Variants in DUSP22 observed in about 807,000 individuals in gnomAD.
DUSP22 encodes the protein dual specificity phosphatase 22.
In DUSP22, 24 loss-of-function variants were observed where a neutral mutation model predicts 24.5. The ratio of observed to expected loss-of-function variants is 0.98; its 90% CI spans 0.71 to 1.38. The LOEUF (loss-of-function observed/expected upper bound fraction) is 1.38. DUSP22 is among the 40% of genes most tolerant of loss of function. DUSP22 has a pLI of 0.00. For missense variants in DUSP22, 330 were observed against 269.2 expected (o/e 1.23, Z -1.58); for synonymous variants, 160 against 106.4 (o/e 1.50, Z -3.10).
chr6:307,586 G>A (rs1223491807), intron 2 of DUSP22, among the ~76,000 whole-genome samples: 1 of 152,302 alleles, frequency 6.6e-6, no homozygotes, highest in African/African-American at 2.4e-5. Context: ...AAGCCAGGAG[G>A]GAAGGCAGGG....
intron 3 of DUSP22, among the ~76,000 whole-genome samples, chr6:321,960 A>G (rs372864857): frequency 5.3e-4 from 81 of 152,394 alleles, no homozygotes; most frequent in African/African-American, 1.9e-3. Flanking sequence ...TGGAATGTTC[A>G]TGTGATATTC....
At chr6:310,020 G>A (rs1758001720) in intron 2 of DUSP22, among the ~76,000 whole-genome samples, 1 of 152,298 alleles carries the variant, frequency 6.6e-6, no homozygotes, top group South Asian at 2.1e-4. Context: ...GAGTTCAGTG[G>A]GGCGATCTCG....
At chr6:322,835 CG>C (rs61295342) in intron 3 of DUSP22, among the ~76,000 whole-genome samples, 32 of 72,356 alleles carry the variant, frequency 4.4e-4, no homozygotes, top group Admixed American at 9.4e-4. Context: ...CTTGGTGGGG[CG>C]GGGGGGGGCC....
chr6:336,465 G>T (rs879457043), intron 4 of DUSP22, among the ~76,000 whole-genome samples: 1 of 152,304 alleles, frequency 6.6e-6, no homozygotes, highest in Non-Finnish European at 1.5e-5. Context: ...GTTATTGAAC[G>T]CTGGCCATCA....
At position 311,929 on chromosome 6, in the gene DUSP22, G is replaced by A. The variant is rs201632445; in HGVS notation, c.105G>A (p.Leu35=). The A allele has an allele frequency of 1.2e-6, 2 of 1,612,824 alleles. No individual in the cohort carries two copies. Among genetic ancestry groups the A allele is most frequent in the African/African-American group, 1.3e-5 (1 of 75,008 alleles). The part of the protein sequence containing the change: ...QLSKNKVTHI[L]SVHDSARPML... ...GCAAGAACAAGGTGACACATATTCT[G>A]TCTGTCCACGATAGTGCCAGGCCTA... Residue 35 remains leucine, a synonymous_variant, in exon 3 of 7, where the codon CTG becomes CTA. Transcript: ENST00000419235.
chr6:300,224 T>C (rs1353081885), intron 1 of DUSP22, among the ~76,000 whole-genome samples: 1 of 152,302 alleles, frequency 6.6e-6, no homozygotes, highest in Non-Finnish European at 1.5e-5. Flanking sequence ...TGCATAGCCA[T>C]GTTGGTTGGT....
At chr6:334,719 C>G (rs554765022) in intron 3 of DUSP22, among the ~76,000 whole-genome samples, 1 of 152,310 alleles carries the variant, frequency 6.6e-6, no homozygotes, top group African/African-American at 2.4e-5. Flanking sequence ...TTTTTACTTA[C>G]GAACAGTGCT....
intron 6 of DUSP22, 193 bp downstream of exon 6, chr6:348,467 G>T (rs112277214): frequency 1.0e-6 from 1 of 1,002,098 alleles, no homozygotes. Flanking sequence ...AGCCACAGGC[G>T]CCTACCCTTT....
intron 5 of DUSP22, among the ~76,000 whole-genome samples, chr6:346,819 G>A (rs1759902712): frequency 1.3e-5 from 2 of 152,296 alleles, no homozygotes; most frequent in Non-Finnish European, 2.9e-5. Flanking sequence ...TGCTGAGGTT[G>A]GTGGCAGCCC....
intron 1 of DUSP22, among the ~76,000 whole-genome samples, chr6:304,243 G>A (rs368757625): frequency 6.6e-6 from 1 of 152,310 alleles, no homozygotes; most frequent in South Asian, 2.1e-4. Context: ...GTGGGCGGGA[G>A]TGTAACCGCC....
At chr6:314,532 T>C (rs1168954870) in intron 3 of DUSP22, among the ~76,000 whole-genome samples, 1 of 152,310 alleles carries the variant, frequency 6.6e-6, no homozygotes, top group Non-Finnish European at 1.5e-5. Context: ...TTGGAAACTC[T>C]AGTTCTGCCT....
At chr6:342,584 G>T (rs1275220286) in intron 4 of DUSP22, among the ~76,000 whole-genome samples, 4 of 152,310 alleles carry the variant, frequency 2.6e-5, no homozygotes, top group Admixed American at 1.3e-4. Context: ...AAACATTTTT[G>T]AACTAGTTGC....
chr6:348,480 C>T (rs1759996639), intron 6 of DUSP22: 2 of 943,362 alleles, frequency 2.1e-6, no homozygotes, highest in Non-Finnish European at 3.1e-6. Context: ...TACCCTTTGT[C>T]ATTCTCCTTG....
intron 4 of DUSP22, among the ~76,000 whole-genome samples, chr6:342,199 C>G (rs1759638415): frequency 6.6e-6 from 1 of 152,312 alleles, no homozygotes; most frequent in Non-Finnish European, 1.5e-5. Context: ...CTGACGTGCT[C>G]TGTGGTTTTT....
At chr6:331,262 G>T (rs1053841325) in intron 3 of DUSP22, among the ~76,000 whole-genome samples, 1 of 152,304 alleles carries the variant, frequency 6.6e-6, no homozygotes, top group Non-Finnish European at 1.5e-5. Flanking sequence ...TATTTATTTA[G>T]TGAGACTTTT....
intron 3 of DUSP22, among the ~76,000 whole-genome samples, chr6:316,445 C>T (rs1446639127): frequency 6.6e-6 from 1 of 152,312 alleles, no homozygotes; most frequent in African/African-American, 2.4e-5. Flanking sequence ...GGAGTTGCCC[C>T]TGTGTGCTGA....
chr6:339,543 C>T (rs1179042229), intron 4 of DUSP22, among the ~76,000 whole-genome samples: 1 of 152,260 alleles, frequency 6.6e-6, no homozygotes, highest in Admixed American at 6.5e-5. Flanking sequence ...CAAGTAATTA[C>T]AGATTTTTTT....
At chr6:303,500 A>G (rs549817034) in intron 1 of DUSP22, among the ~76,000 whole-genome samples, 373 of 152,260 alleles carry the variant, frequency 2.4e-3, no homozygotes, top group Middle Eastern at 0.014. Flanking sequence ...GCTTGAAGAA[A>G]TCAGCTAACA....
At position 350,141 on chromosome 6, in the gene DUSP22, T is replaced by C. The variant is rs1015833402; in HGVS notation, c.*1190T>C. ...TGTTTTTTGGTATGCAAGTCAGCTT[T>C]GCCTCACAGTTGAAAATGTTCGGTC... On this transcript the variant is annotated 3_prime_UTR_variant, in exon 7 of 7. Coordinates refer to ENST00000419235, the MANE Select transcript of DUSP22 (RefSeq NM_001286555.3). 34 of 986,170 alleles carry C rather than the reference T, an allele frequency of 3.4e-5. No homozygotes were observed. The South Asian group carries it at 1.4e-3, about 41-fold the overall frequency. 61.1% of individuals were successfully genotyped at this position (986,170 alleles called of 1,614,324 possible).
Sources: gnomAD v4.1 joint callset for allele counts (sites outside exome capture counted in the v4.1 genomes callset) on GRCh38, gnomAD v4.1.1 for gene constraint, MANE v1.5 for transcripts, NCBI Gene and HGNC (gene_info 2026-07-23, HGNC 2026-07-21) for gene names.